Variants in PTCD2 observed in about 807,000 individuals in gnomAD.
The protein encoded by PTCD2 is pentatricopeptide repeat domain 2.
A neutral mutation model predicts 42.6 loss-of-function variants in PTCD2; 31 were observed. The observed-to-expected ratio is 0.73, with a 90% CI of 0.55 to 0.98. PTCD2 has a LOEUF of 0.98. PTCD2 is among the 50% of genes least tolerant of loss of function. The pLI, the probability that PTCD2 is intolerant of heterozygous loss-of-function variation, is 0.00. For missense variants in PTCD2, 476 were observed against 454.8 expected, an observed-to-expected ratio of 1.05 and a Z score of -0.42; for synonymous variants, 183 against 170.9, an observed-to-expected ratio of 1.07 and a Z score of -0.55.
At chr5:72,335,166 A>C in intron 5 of PTCD2, 70 bp downstream of exon 5, 1 of 856,006 alleles carries the variant, frequency 1.2e-6, no homozygotes, top group South Asian at 1.4e-5. Flanking sequence ...AGGGGGAAAA[A>C]TGAGTCATGC....
In PTCD2 at chr5:72,331,383, T is replaced by C; in HGVS notation, c.468+8T>C. 1 of 1,573,188 alleles carries C rather than the reference T, an allele frequency of 6.4e-7. No individual in the cohort carries two copies. The highest frequency in any genetic ancestry group is 1.3e-5 in the African/African-American group (1 of 74,246). Reference sequence around the variant, plus strand: ...GAGCTCATGAAAGACCAGGTTATTGTTTCCTAATTGTTTTCTCTGCCAATG... The same window carrying C: ...GAGCTCATGAAAGACCAGGTTATTGCTTCCTAATTGTTTTCTCTGCCAATG... On this transcript the variant is annotated splice_region_variant and intron_variant, in intron 4 of 9. Coordinates refer to ENST00000380639, the MANE Select transcript of PTCD2 (RefSeq NM_024754.5).
In PTCD2 at chr5:72,364,824, T is replaced by A. The variant is rs1753164939; in HGVS notation, c.*6397T>A. 6.6e-6 allele frequency: 1 copy of A among 152,216 alleles called. No homozygotes were observed. Among genetic ancestry groups the A allele is most frequent in the Non-Finnish European group, 1.5e-5 (1 of 68,066 alleles). 9.4% of individuals were successfully genotyped at this position (152,216 alleles called of 1,614,324 possible). Reference sequence around the variant, plus strand: ...CCAGGGCCCCTGTATCTTGCAGTAATGTATCCGTGGGCGTTTCCCCCCAGA... The same window carrying A: ...CCAGGGCCCCTGTATCTTGCAGTAAAGTATCCGTGGGCGTTTCCCCCCAGA... On this transcript the variant is annotated 3_prime_UTR_variant, in exon 10 of 10. Coordinates refer to ENST00000380639, the MANE Select transcript of PTCD2 (RefSeq NM_024754.5).
chr5:72,348,179 G>A (rs947193815), intron 8 of PTCD2, among the ~76,000 whole-genome samples: 1 of 152,122 alleles, frequency 6.6e-6, no homozygotes, highest in African/African-American at 2.4e-5. Context: ...TAGATTCTAG[G>A]TCTCTGTTAG....
intron 3 of PTCD2, among the ~76,000 whole-genome samples, chr5:72,329,316 G>A (rs556239939): frequency 1.3e-5 from 2 of 152,316 alleles, no homozygotes; most frequent in East Asian, 1.9e-4. Flanking sequence ...CAGGCAGCCC[G>A]TGGCTGGGAA....
At chr5:72,327,528 G>A (rs1751211237) in intron 3 of PTCD2, among the ~76,000 whole-genome samples, 1 of 143,656 alleles carries the variant, frequency 7.0e-6, no homozygotes, top group African/African-American at 2.7e-5. Flanking sequence ...CCAGAGTACA[G>A]TGGCACGATC....
rs1561373049 is a variant in PTCD2 at position 72,322,224 on chromosome 5, AAAG to A, written c.183_185del (p.Lys62del). On this transcript the variant is annotated inframe_deletion, in exon 2 of 10. Coordinates refer to ENST00000380639, the MANE Select transcript of PTCD2 (RefSeq NM_024754.5). ...TGGTGAAATTAAAAGAATTTCAACAAAAGAAAGTGGCTGTTGCATGTAATCTTT... is the reference window on the plus strand; with the variant it reads ...TGGTGAAATTAAAAGAATTTCAACAAAAAGTGGCTGTTGCATGTAATCTTT... The A allele has an allele frequency of 1.2e-6, 2 of 1,603,842 alleles. No individual in the cohort carries two copies. Among genetic ancestry groups the A allele is most frequent in the South Asian group, 2.2e-5 (2 of 90,772 alleles).
At position 72,358,714 on chromosome 5, in the gene PTCD2, G is replaced by C. The variant is rs912248318; in HGVS notation, c.*287G>C. 1 of 434,790 alleles carries C rather than the reference G, an allele frequency of 2.3e-6. No individual in the cohort carries two copies. Among genetic ancestry groups the C allele is most frequent in the African/African-American group, 2.0e-5 (1 of 50,682 alleles). 26.9% of individuals were successfully genotyped at this position (434,790 alleles called of 1,614,324 possible). ...GTCTCCGGTTCAGCTTCCGACACCAGAGTGGAACCCAGTAAGCACCATCAG... is the reference window on the plus strand; with the variant it reads ...GTCTCCGGTTCAGCTTCCGACACCACAGTGGAACCCAGTAAGCACCATCAG... On this transcript the variant is annotated 3_prime_UTR_variant, in exon 10 of 10. Coordinates refer to ENST00000380639, the MANE Select transcript of PTCD2 (RefSeq NM_024754.5).
rs1324700091 is a variant in PTCD2, at chr5:72,320,464, G to T, written c.82G>T (p.Gly28Trp). Residue 28 changes from glycine to tryptophan, a missense_variant, in exon 1 of 10, where the codon GGG becomes TGG. Coordinates refer to ENST00000380639, the MANE Select transcript of PTCD2 (RefSeq NM_024754.5). ...GGCGCTGCAGATTTTGGTGTATCCT[G>T]GGGTGGGAGGCTCCGGCTCTGTCAG... ...LQALQILVYP[G>W]VGGSGSVSCR... 1.9e-6 allele frequency: 3 copies of T among 1,614,036 alleles called. No individual in the cohort carries two copies. Among genetic ancestry groups the T allele is most frequent in the Non-Finnish European group, 2.5e-6 (3 of 1,180,040 alleles).
intron 4 of PTCD2, among the ~76,000 whole-genome samples, chr5:72,333,463 G>T (rs1392648712): frequency 4.6e-5 from 7 of 152,058 alleles, no homozygotes; most frequent in Non-Finnish European, 1.0e-4. Context: ...TTTTGAGCAG[G>T]GTGTATATCC....
At chr5:72,335,755 G>T (rs963513447) in intron 5 of PTCD2, 39 bp from the exon 6 acceptor site, 9 of 1,363,176 alleles carry the variant, frequency 6.6e-6, no homozygotes, top group Non-Finnish European at 9.5e-6. Flanking sequence ...CAACAGTAGA[G>T]GAACTCTAAC....
At chr5:72,339,939 C>G (rs999823048) in intron 7 of PTCD2, among the ~76,000 whole-genome samples, 1 of 152,040 alleles carries the variant, frequency 6.6e-6, no homozygotes, top group African/African-American at 2.4e-5. Context: ...ACAGCTTTTC[C>G]TATGCTTTAT....
At position 72,352,732 on chromosome 5, in the gene PTCD2, GAC is replaced by G; in HGVS notation, c.922_923del (p.His308CysfsTer25). 2 of 1,589,850 alleles carry G rather than the reference GAC, an allele frequency of 1.3e-6. No homozygotes were observed. Among genetic ancestry groups the G allele is most frequent in the Non-Finnish European group, 1.7e-6 (2 of 1,158,390 alleles). On this transcript the variant is annotated frameshift_variant, in exon 9 of 10. Transcript: ENST00000380639. LOFTEE classifies it low-confidence loss of function (END_TRUNC). The stretch of plus-strand genomic sequence containing the variant: ...GGAAATTTATCAAAATTTGTGAAAA[GAC>G]ATGTGTTCTCGGAGGAAGTGGTGAG...
chr5:72,343,250 G>A (rs1236976123), intron 8 of PTCD2, among the ~76,000 whole-genome samples: 1 of 152,148 alleles, frequency 6.6e-6, no homozygotes, highest in African/African-American at 2.4e-5. Context: ...CCAGGAGTTT[G>A]TAAACAGGTT....
chr5:72,346,426 C>T (rs1349343070), intron 8 of PTCD2, among the ~76,000 whole-genome samples: 1 of 152,176 alleles, frequency 6.6e-6, no homozygotes. Flanking sequence ...GAAGGACTTG[C>T]AGCTGTGTAG....
intron 7 of PTCD2, 55 bp downstream of exon 7, chr5:72,338,790 T>C: frequency 2.1e-6 from 2 of 968,322 alleles, no homozygotes; most frequent in Non-Finnish European, 3.2e-6. Flanking sequence ...CTTCATTACT[T>C]TTATTCGTCC....
At chr5:72,330,290 T>C (rs989026771) in intron 3 of PTCD2, among the ~76,000 whole-genome samples, 1 of 152,142 alleles carries the variant, frequency 6.6e-6, no homozygotes, top group Admixed American at 6.5e-5. Context: ...GTACACCTCA[T>C]CATTCTATTA....
rs529842287 is a variant in PTCD2 at position 72,366,433 on chromosome 5, A to G, written c.*8006A>G. 1 of 152,316 alleles carries G rather than the reference A, an allele frequency of 6.6e-6. No individual in the cohort carries two copies. Among genetic ancestry groups the G allele is most frequent in the Non-Finnish European group, 1.5e-5 (1 of 68,050 alleles). The allele number at this position is 152,316 out of a possible 1,614,324, so 9.4% of individuals were successfully genotyped here. On this transcript the variant is annotated 3_prime_UTR_variant, in exon 10 of 10. Coordinates refer to ENST00000380639, the MANE Select transcript of PTCD2 (RefSeq NM_024754.5). ...CCCAGGAGGTCTGATGCTGGAGGTCATGTTTTTAACCTTATCTCTGTATTG... is the reference window on the plus strand; with the variant it reads ...CCCAGGAGGTCTGATGCTGGAGGTCGTGTTTTTAACCTTATCTCTGTATTG...
At chr5:72,347,277 A>G (rs946896396) in intron 8 of PTCD2, among the ~76,000 whole-genome samples, 3 of 152,220 alleles carry the variant, frequency 2.0e-5, no homozygotes, top group Admixed American at 6.5e-5. Context: ...CTTGAATAAT[A>G]AAAAGAACAC....
In PTCD2 at chr5:72,358,592, T is replaced by C. The variant is rs200176631; in HGVS notation, c.*165T>C. On this transcript the variant is annotated 3_prime_UTR_variant, in exon 10 of 10. Transcript: ENST00000380639. ...GGTACCATGCCGATCTCTGAGAAGTTATGTTGCACCACTGTGAAGGTCTAG... is the reference window on the plus strand; with the variant it reads ...GGTACCATGCCGATCTCTGAGAAGTCATGTTGCACCACTGTGAAGGTCTAG... The C allele has an allele frequency of 3.5e-4, 218 of 617,554 alleles. 1 individual carries two copies. In the East Asian group the frequency reaches 5.9e-3, roughly 17 times the overall value. 38.3% of individuals were successfully genotyped at this position (617,554 alleles called of 1,614,324 possible). A position where few individuals can be genotyped will look rare whatever the true frequency, so the allele number is the denominator to read the frequency against.
Sources: gnomAD v4.1 joint callset for allele counts (sites outside exome capture counted in the v4.1 genomes callset) on GRCh38, gnomAD v4.1.1 for gene constraint, MANE v1.5 for transcripts, NCBI Gene and HGNC (gene_info 2026-07-23, HGNC 2026-07-21) for gene names.